The following ATRN variants were observed in gnomAD, a reference collection of about 807,000 sequenced individuals.
The protein encoded by ATRN is attractin, also known as attractin-2.
Under a neutral mutation model 178.7 loss-of-function variants are expected in ATRN, and 54 were observed. That is an observed-to-expected ratio of 0.30 (90% confidence interval 0.24 to 0.38). The LOEUF is 0.38. ATRN is among the 10% of genes least tolerant of loss of function. The pLI, the probability that ATRN is intolerant of heterozygous loss-of-function variation, is 1.00. For synonymous variants in ATRN, 636 were observed against 663.0 expected (o/e 0.96, Z 0.63); for missense variants, 1,443 against 1,815.1 (o/e 0.79, Z 3.73).
intron 25 of ATRN, among the ~76,000 whole-genome samples, chr20:3,625,519 G>A (rs1188828311): frequency 6.6e-6 from 1 of 152,046 alleles, no homozygotes; most frequent in Non-Finnish European, 1.5e-5. Context: ...TTTTCTATGT[G>A]CCTACCCCTG....
intron 18 of ATRN, 61 bp downstream of exon 18, chr20:3,584,941 CTTG>C: frequency 6.7e-7 from 1 of 1,500,050 alleles, no homozygotes; most frequent in East Asian, 2.3e-5. Context: ...AGAATAAAAC[CTTG>C]AAAGCTACGT....
intron 3 of ATRN, among the ~76,000 whole-genome samples, chr20:3,542,583 T>G (rs1178983578): frequency 8.0e-6 from 1 of 124,316 alleles, no homozygotes; most frequent in East Asian, 2.8e-4. Context: ...CCTTTCTCCT[T>G]CCCCTTCTCC....
intron 22 of ATRN, among the ~76,000 whole-genome samples, chr20:3,599,589 C>G (rs2086579244): frequency 6.6e-6 from 1 of 152,138 alleles, no homozygotes; most frequent in Non-Finnish European, 1.5e-5. Context: ...TACACGTAGA[C>G]TTTTTTCAAC....
chr20:3,540,919 TAAACAG>T (rs1321240014), intron 3 of ATRN, among the ~76,000 whole-genome samples: 1 of 152,166 alleles, frequency 6.6e-6, no homozygotes, highest in African/African-American at 2.4e-5. Flanking sequence ...CATTAGTAGT[TAAACAG>T]AAGCAGTTTA....
At chr20:3,581,374 A>G (rs148364848) in intron 15 of ATRN, among the ~76,000 whole-genome samples, 1 of 152,336 alleles carries the variant, frequency 6.6e-6, no homozygotes, top group East Asian at 1.9e-4. Flanking sequence ...TAAAAATTGC[A>G]ATGAGAAGGA....
At chr20:3,497,228 C>T (rs1178136087) in intron 1 of ATRN, among the ~76,000 whole-genome samples, 3 of 148,676 alleles carry the variant, frequency 2.0e-5, no homozygotes, top group Non-Finnish European at 4.5e-5. Flanking sequence ...TTATTTTGCT[C>T]GTTAGTTGAT....
intron 3 of ATRN, among the ~76,000 whole-genome samples, chr20:3,542,867 G>C (rs1271673219): frequency 6.8e-6 from 1 of 146,020 alleles, no homozygotes; most frequent in African/African-American, 2.6e-5. Context: ...TTGAACTCCT[G>C]GGCTCAAGCA....
At chr20:3,633,502 G>A (rs2087003870) in intron 25 of ATRN, among the ~76,000 whole-genome samples, 1 of 152,208 alleles carries the variant, frequency 6.6e-6, no homozygotes, top group African/African-American at 2.4e-5. Context: ...CACTGGCAGA[G>A]AGCCTTATGT....
chr20:3,490,515 G>C lies in ATRN; in HGVS notation c.410+18998G>C, dbSNP rs369257051. 4.2e-6 allele frequency: 5 copies of C among 1,188,644 alleles called. No homozygotes were observed. The East Asian group carries it at 9.3e-5, about 22-fold the overall frequency. 73.6% of individuals were successfully genotyped at this position (1,188,644 alleles called of 1,614,324 possible). ...TTTCTTTAGGAATGTCAAATAATTG[G>C]TCAGAGATGGACAGGTATGTGATAT... On this transcript the variant is annotated intron_variant, in intron 1 of 28. Transcript: ENST00000262919.
chr20:3,527,425 C>T (rs561698756), intron 1 of ATRN, among the ~76,000 whole-genome samples: 1 of 152,278 alleles, frequency 6.6e-6, no homozygotes, highest in African/African-American at 2.4e-5. Flanking sequence ...CAGGAAACAA[C>T]AGATGCTGGA....
chr20:3,634,172 A>G (rs2087008763), intron 25 of ATRN, 139 bp from the exon 26 acceptor site: 3 of 682,582 alleles, frequency 4.4e-6, no homozygotes, highest in Middle Eastern at 3.2e-4. Context: ...GAGCCGGCAC[A>G]TTGTTGTGAC....
At position 3,647,798 on chromosome 20, in the gene ATRN, G is replaced by A. The variant is rs2087118088; in HGVS notation, c.*951G>A. On this transcript the variant is annotated 3_prime_UTR_variant, in exon 29 of 29. Coordinates refer to ENST00000262919, the MANE Select transcript of ATRN (RefSeq NM_139321.3). ...GCCAGGAAAGAATTTTCTCACCCAA[G>A]GAACATTTGATCTAGCAGCAGGGAT... The A allele has an allele frequency of 2.6e-5, 4 of 152,158 alleles. No individual in the cohort carries two copies. Among genetic ancestry groups the A allele is most frequent in the Admixed American group, 2.6e-4 (4 of 15,280 alleles). 9.4% of individuals were successfully genotyped at this position (152,158 alleles called of 1,614,324 possible). A position where few individuals can be genotyped will look rare whatever the true frequency, so the allele number is the denominator to read the frequency against.
chr20:3,614,753 T>C (rs1204762220), intron 24 of ATRN, among the ~76,000 whole-genome samples: 1 of 152,162 alleles, frequency 6.6e-6, no homozygotes, highest in Non-Finnish European at 1.5e-5. Flanking sequence ...TTTTAGAATA[T>C]TTTCACCACT....
chr20:3,597,152 T>G (rs955923201), intron 21 of ATRN, among the ~76,000 whole-genome samples: 3 of 150,462 alleles, frequency 2.0e-5, no homozygotes, highest in Non-Finnish European at 3.0e-5. Flanking sequence ...TCTAAAAGCA[T>G]AATTCATAAA....
At chr20:3,521,692 AC>A (rs2085299074) in intron 1 of ATRN, among the ~76,000 whole-genome samples, 3 of 152,248 alleles carry the variant, frequency 2.0e-5, no homozygotes, top group Admixed American at 1.3e-4. Flanking sequence ...TGCAGATTAC[AC>A]ATTGAAGTGC....
chr20:3,529,422 A>G (rs568603538), intron 1 of ATRN, among the ~76,000 whole-genome samples: 15 of 152,332 alleles, frequency 9.8e-5, no homozygotes, highest in Admixed American at 6.5e-4. Flanking sequence ...ATAAAAGCCT[A>G]TAATTACGTA....
intron 1 of ATRN, among the ~76,000 whole-genome samples, chr20:3,503,586 A>G (rs2084993541): frequency 6.6e-6 from 1 of 152,164 alleles, no homozygotes; most frequent in Admixed American, 6.6e-5. Context: ...CTGAAAAACA[A>G]CAGGAAAAAA....
chr20:3,489,495 G>T, intron 1 of ATRN: 1 of 1,186,112 alleles, frequency 8.4e-7, no homozygotes, highest in East Asian at 2.3e-5. Flanking sequence ...GGGAAGCCTG[G>T]GCTAGCCCAA....
Position 3,471,064 on chromosome 20 carries a change from T to C in ATRN, c.-44T>C, listed in dbSNP as rs758432510. On this transcript the variant is annotated 5_prime_UTR_variant, in exon 1 of 29. Coordinates refer to ENST00000262919, the MANE Select transcript of ATRN (RefSeq NM_139321.3). ...AGGCGAAGCGGAGCCGGCCGTGCGG[T>C]GTGTGTGTATGTGTTCGCGGGGCGC... 7 of 1,335,204 alleles carry C rather than the reference T, an allele frequency of 5.2e-6. No homozygotes were observed. In the East Asian group the frequency reaches 2.3e-4, roughly 43 times the overall value. 82.7% of individuals were successfully genotyped at this position (1,335,204 alleles called of 1,614,324 possible).
Sources: allele counts gnomAD v4.1 joint callset (sites outside exome capture counted in the v4.1 genomes callset), GRCh38; gene constraint gnomAD v4.1.1; transcripts MANE v1.5; gene names NCBI Gene and HGNC (gene_info 2026-07-23, HGNC 2026-07-21).